ELMO1: variants seen among roughly 807,000 people sequenced by gnomAD.
ELMO1 encodes the protein engulfment and cell motility protein 1.
In ELMO1, 26 loss-of-function variants were observed where a neutral mutation model predicts 98.9. That is an observed-to-expected ratio of 0.26 (90% confidence interval 0.19 to 0.36). The LOEUF (loss-of-function observed/expected upper bound fraction) is 0.36. Ranked by LOEUF, ELMO1 falls within the 10% of genes least tolerant of loss-of-function variation. The pLI is 1.00. For synonymous variants in ELMO1, 346 were observed against 346.0 expected, an observed-to-expected ratio of 1.00 and a Z score of 0.00; for missense variants, 627 against 935.2, an observed-to-expected ratio of 0.67 and a Z score of 4.30.
At chr7:37,096,908 C>A (rs562140122) in intron 14 of ELMO1, among the ~76,000 whole-genome samples, 181 bp from the exon 15 acceptor site, 2 of 152,196 alleles carry the variant, frequency 1.3e-5, no homozygotes, top group African/African-American at 2.4e-5. Flanking sequence ...TTTATCCCCC[C>A]CAAATCTTTG....
At chr7:37,412,702 G>A (rs1289283827) in intron 1 of ELMO1, among the ~76,000 whole-genome samples, 3 of 152,088 alleles carry the variant, frequency 2.0e-5, no homozygotes, top group African/African-American at 7.2e-5. Context: ...TCTCTAACAT[G>A]CAGAGTGTGT....
intron 4 of ELMO1, among the ~76,000 whole-genome samples, chr7:37,297,365 A>T (rs1449860544): frequency 6.6e-6 from 1 of 152,226 alleles, no homozygotes; most frequent in South Asian, 2.1e-4. Context: ...CAATTCCGGC[A>T]TTCAGAAGCT....
chr7:37,324,020 C>T (rs1799658852), intron 2 of ELMO1, among the ~76,000 whole-genome samples: 1 of 152,090 alleles, frequency 6.6e-6, no homozygotes, highest in Admixed American at 6.5e-5. Flanking sequence ...CAGGGGAGTC[C>T]TTGGCTGTTT....
chr7:37,225,137 C>T, intron 8 of ELMO1, 107 bp from the exon 9 acceptor site: 1 of 1,341,400 alleles, frequency 7.5e-7, no homozygotes, highest in Non-Finnish European at 1.0e-6. Context: ...AAACACCAGG[C>T]ACTGAGGATG....
intron 5 of ELMO1, among the ~76,000 whole-genome samples, chr7:37,264,429 T>C (rs1262378889): frequency 6.6e-6 from 1 of 152,218 alleles, no homozygotes; most frequent in Non-Finnish European, 1.5e-5. Context: ...TTATGAATTG[T>C]AATATTCTAA....
intron 7 of ELMO1, among the ~76,000 whole-genome samples, chr7:37,235,514 CCA>C (rs33982365): frequency 0.097 from 14,715 of 152,152 alleles, 915 homozygotes; most frequent in Middle Eastern, 0.18. Flanking sequence ...AAAAAAATTC[CCA>C]TATACACGCC....
In ELMO1 at chr7:36,855,578, G is replaced by T; in HGVS notation, c.2157C>A (p.Asn719Lys). The T allele has an allele frequency of 6.2e-7, 1 of 1,614,162 alleles. No individual in the cohort carries two copies. Among genetic ancestry groups the T allele is most frequent in the Non-Finnish European group, 8.5e-7 (1 of 1,180,006 alleles). Reference protein sequence around the residue: ...APPPIPKEPSNYDFVYDCN With the variant: ...APPPIPKEPSKYDFVYDCN ...AGTTACAGTCATAGACGAAGTCATA[G>T]TTGCTGGGCTCCTTGGGAATCGGCG... Residue 719 changes from asparagine (N) to lysine (K), a missense_variant, in exon 22 of 22, where the codon AAC becomes AAA. By Grantham distance (94) the Asn-to-Lys change is moderately conservative (BLOSUM62 0). Coordinates refer to ENST00000310758, the MANE Select transcript of ELMO1 (RefSeq NM_014800.11). The surrounding 1 kb of genome is among the most constrained non-coding windows in gnomAD (Gnocchi z 4.2).
At position 36,868,543 on chromosome 7, in the gene ELMO1, C is replaced by T. The variant is rs570119845; in HGVS notation, c.1905+1850G>A. Among the ~76,000 whole-genome samples the T allele has an allele frequency of 4.9e-4, 74 of 152,180 alleles. 1 individual carries two copies. The highest frequency in any genetic ancestry group is 4.2e-4 in the South Asian group (2 of 4,810). On this transcript the variant is annotated intron_variant, in intron 20 of 21. Transcript: ENST00000310758. The stretch of plus-strand genomic sequence containing the variant: ...TGTATTTTTAGTACAGACGAGGTTT[C>T]ACTATGTTGGCCAGGCTGCTGGTCT...
intron 14 of ELMO1, among the ~76,000 whole-genome samples, chr7:37,107,773 A>G (rs1785029994): frequency 6.6e-6 from 1 of 152,232 alleles, no homozygotes; most frequent in Admixed American, 6.5e-5. Flanking sequence ...ATTGTCTGAA[A>G]CATATTTGAA....
intron 6 of ELMO1, among the ~76,000 whole-genome samples, chr7:37,253,080 G>A (rs1250245487): frequency 1.3e-5 from 2 of 152,186 alleles, no homozygotes; most frequent in Non-Finnish European, 1.5e-5. Flanking sequence ...AGAAACAACA[G>A]ATGCTGAAGA....
chr7:37,238,793 T>C (rs981976689), intron 7 of ELMO1, among the ~76,000 whole-genome samples: 1 of 152,226 alleles, frequency 6.6e-6, no homozygotes, highest in Non-Finnish European at 1.5e-5. Flanking sequence ...TCCATTAAGA[T>C]GATTTTTCTC....
intron 1 of ELMO1, among the ~76,000 whole-genome samples, chr7:37,381,731 T>C (rs1474869101): frequency 2.1e-4 from 32 of 152,208 alleles, no homozygotes; most frequent in Non-Finnish European, 2.9e-5. Flanking sequence ...TCCCAGTCCA[T>C]AGGGATGGAG....
chr7:37,306,883 G>A (rs1798640382), intron 4 of ELMO1, among the ~76,000 whole-genome samples: 1 of 151,984 alleles, frequency 6.6e-6, no homozygotes, highest in African/African-American at 2.4e-5. Context: ...CTAGTCAAAA[G>A]GTTTTTTAAG....
chr7:36,924,987 TGA>T (rs1562828836), intron 16 of ELMO1, among the ~76,000 whole-genome samples: 1 of 152,186 alleles, frequency 6.6e-6, no homozygotes, highest in Non-Finnish European at 1.5e-5. Context: ...GGGCAAAGTC[TGA>T]TCATCTCCAG....
intron 13 of ELMO1, among the ~76,000 whole-genome samples, chr7:37,154,008 C>T (rs556142137): frequency 6.6e-6 from 1 of 152,186 alleles, no homozygotes; most frequent in South Asian, 2.1e-4. Context: ...AGGGGTGTTA[C>T]CCAGGCAAAA....
At chr7:36,923,191 CAATT>C (rs756190727) in intron 16 of ELMO1, among the ~76,000 whole-genome samples, 1 of 152,072 alleles carries the variant, frequency 6.6e-6, no homozygotes, top group African/African-American at 2.4e-5. Flanking sequence ...CCTCAGATGC[CAATT>C]AATTAATTAA....
intron 16 of ELMO1, among the ~76,000 whole-genome samples, chr7:36,935,981 C>T (rs1245343353): frequency 6.6e-6 from 1 of 151,936 alleles, no homozygotes; most frequent in Non-Finnish European, 1.5e-5. Flanking sequence ...CCTAAGATTG[C>T]CCCCTCCTCC....
chr7:37,326,115 T>A (rs1799787657), intron 2 of ELMO1, among the ~76,000 whole-genome samples: 2 of 152,160 alleles, frequency 1.3e-5, no homozygotes, highest in South Asian at 2.1e-4. Context: ...TGAGGCAAAT[T>A]CAGCTGGTTC....
intron 19 of ELMO1, among the ~76,000 whole-genome samples, chr7:36,872,099 C>T (rs993592966): frequency 2.0e-5 from 3 of 152,186 alleles, no homozygotes; most frequent in Admixed American, 6.5e-5. Flanking sequence ...CCTTTGCAGT[C>T]AGGTCATGTG....
Sources: allele counts gnomAD v4.1 joint callset (sites outside exome capture counted in the v4.1 genomes callset), GRCh38; gene constraint gnomAD v4.1.1; non-coding constraint Gnocchi (gnomAD v3.1); transcripts MANE v1.5; gene names NCBI Gene and HGNC (gene_info 2026-07-23, HGNC 2026-07-21).